NECTIN1: variants seen among roughly 807,000 people sequenced by gnomAD.
The protein encoded by NECTIN1 is nectin cell adhesion molecule 1.
A neutral mutation model predicts 48.0 loss-of-function variants in NECTIN1; 23 were observed. The observed-to-expected ratio is 0.48, with a 90% CI of 0.34 to 0.68. NECTIN1 has a LOEUF of 0.68. Ranked by LOEUF, NECTIN1 falls within the 30% of genes least tolerant of loss-of-function variation. NECTIN1 has a pLI of 0.01. For synonymous variants in NECTIN1, 270 were observed against 288.9 expected (o/e 0.93, Z 0.66); for missense variants, 591 against 709.9 (o/e 0.83, Z 1.90).
At chr11:119,714,963 A>C (rs1008122767) in intron 1 of NECTIN1, among the ~76,000 whole-genome samples, 1 of 152,016 alleles carries the variant, frequency 6.6e-6, no homozygotes, top group East Asian at 1.9e-4. Context: ...GAGAGGTGAG[A>C]CGGGGGCCGA....
chr11:119,704,409 T>C (rs1375704712), intron 1 of NECTIN1, among the ~76,000 whole-genome samples: 1 of 152,044 alleles, frequency 6.6e-6, no homozygotes, highest in African/African-American at 2.4e-5. Context: ...TTAGTAGAAA[T>C]AGGGTTCATG....
rs967745386 is a variant in NECTIN1 at position 119,672,442 on chromosome 11, C to T, written c.1003+2717G>A. ...TGAAACTGCTCCTCTGTGTAAGGGC[C>T]TCTGAAAGGGGTTCTCTGGGGCCTG... On this transcript the variant is annotated intron_variant, in intron 5 of 5. Coordinates refer to ENST00000264025, the MANE Select transcript of NECTIN1 (RefSeq NM_002855.5). The surrounding 1 kb of genome is among the most constrained non-coding windows in gnomAD (Gnocchi z 4.3). Among the ~76,000 whole-genome samples, 2 of 152,148 alleles carry T rather than the reference C, an allele frequency of 1.3e-5. No homozygotes were observed. The highest frequency in any genetic ancestry group is 4.8e-5 in the African/African-American group (2 of 41,428).
At chr11:119,638,366 C>T (rs1349247536) in intron 7 of NECTIN1, 12 of 1,299,718 alleles carry the variant, frequency 9.2e-6, no homozygotes, top group Non-Finnish European at 1.2e-5. Flanking sequence ...ATTCTGGCAT[C>T]CCCCACACTG....
At chr11:119,666,666 T>A (rs1864776022) in intron 5 of NECTIN1, among the ~76,000 whole-genome samples, 1 of 152,230 alleles carries the variant, frequency 6.6e-6, no homozygotes, top group African/African-American at 2.4e-5. Context: ...CCCTCCTTGC[T>A]CCAGGCCCAC....
chr11:119,647,829 G>A (rs1286592042), intron 5 of NECTIN1, among the ~76,000 whole-genome samples: 2 of 152,028 alleles, frequency 1.3e-5, no homozygotes, highest in Non-Finnish European at 2.9e-5. Context: ...TTGAGAGGCC[G>A]AGGTGGGTGG....
At chr11:119,700,948 C>T (rs1424464845) in intron 1 of NECTIN1, among the ~76,000 whole-genome samples, 1 of 152,106 alleles carries the variant, frequency 6.6e-6, no homozygotes, top group Non-Finnish European at 1.5e-5. Flanking sequence ...TGGGCTGAGA[C>T]CTTGAACTTA....
At chr11:119,714,208 C>CT (rs113610859) in intron 1 of NECTIN1, among the ~76,000 whole-genome samples, 7 of 152,286 alleles carry the variant, frequency 4.6e-5, no homozygotes, top group African/African-American at 1.7e-4. Flanking sequence ...GTGTTAGAGC[C>CT]TGGATGGCAC....
chr11:119,643,128 C>T (rs1003260995), intron 5 of NECTIN1: 11 of 153,870 alleles, frequency 7.1e-5, no homozygotes, highest in African/African-American at 2.6e-4. Flanking sequence ...GCCCTCACTC[C>T]CTGTCCCACC....
intron 1 of NECTIN1, among the ~76,000 whole-genome samples, chr11:119,719,183 C>G (rs1421762036): frequency 6.6e-6 from 1 of 152,190 alleles, no homozygotes; most frequent in Non-Finnish European, 1.5e-5. Context: ...GAAGATTCAG[C>G]ACTAATAACT....
chr11:119,655,488 A>G lies in NECTIN1; in HGVS notation c.1004-15476T>C, dbSNP rs548320686. Among the ~76,000 whole-genome samples the G allele has an allele frequency of 5.9e-5, 9 of 152,286 alleles. No individual in the cohort carries two copies. In the East Asian group the frequency reaches 1.7e-3, roughly 29 times the overall value. On this transcript the variant is annotated intron_variant, in intron 5 of 7. Transcript: ENST00000341398. ...CTTGCTCTGAGCTGGCCATTGTGAC[A>G]ATGCTTTCCCACAGCTACTGATCAA... is the stretch of plus-strand genomic sequence containing the variant.
intron 5 of NECTIN1, among the ~76,000 whole-genome samples, chr11:119,644,418 A>T (rs1298650777): frequency 6.6e-6 from 1 of 152,134 alleles, no homozygotes; most frequent in African/African-American, 2.4e-5. Flanking sequence ...TCTCAGCCAG[A>T]TGTCAGTGTT....
rs760528836 is a variant in NECTIN1 at position 119,672,359 on chromosome 11, C to CATTA, written c.1003+2796_1003+2799dup. Among the ~76,000 whole-genome samples, 34 of 152,254 alleles carry CATTA rather than the reference C, an allele frequency of 2.2e-4. No homozygotes were observed. The highest frequency in any genetic ancestry group is 4.9e-4 in the Non-Finnish European group (33 of 67,992). On this transcript the variant is annotated intron_variant, in intron 5 of 5. Transcript: ENST00000264025. This position sits in a 1 kb window ranked among gnomAD's most constrained non-coding sequence, Gnocchi z 4.3. Reference sequence around the variant, plus strand: ...CACCCTGGGCCTCTCCCCACCTTGTCATTACCCCAGAGGGAGAAGGGAGGG... The same window carrying CATTA: ...CACCCTGGGCCTCTCCCCACCTTGTCATTAATTACCCCAGAGGGAGAAGGGAGGG...
chr11:119,664,147 C>A lies in NECTIN1; in HGVS notation c.*600G>T, dbSNP rs931318421. ...CAGGAAAACACTGCCCAAGGCCCCGCTTAACAAACAAGACTCCCTGGGAAC... is the reference window on the plus strand; with the variant it reads ...CAGGAAAACACTGCCCAAGGCCCCGATTAACAAACAAGACTCCCTGGGAAC... On this transcript the variant is annotated 3_prime_UTR_variant, in exon 6 of 6. Transcript: ENST00000264025. The A allele has an allele frequency of 4.1e-6, 4 of 986,326 alleles. No individual in the cohort carries two copies. In the African/African-American group the frequency reaches 7.0e-5, roughly 17 times the overall value. 61.1% of individuals were successfully genotyped at this position (986,326 alleles called of 1,614,324 possible). A position where few individuals can be genotyped will look rare whatever the true frequency, so the allele number is the denominator to read the frequency against.
rs1864996446 is a variant in NECTIN1, at chr11:119,678,323, G to A, written c.430+92C>T. On this transcript the variant is annotated intron_variant, in intron 2 of 5. Coordinates refer to ENST00000264025, the MANE Select transcript of NECTIN1 (RefSeq NM_002855.5). The surrounding 1 kb of genome is among the most constrained non-coding windows in gnomAD (Gnocchi z 4.4). ...GATGGCAGCATGCCCACCCAAGGGG[G>A]ATGTCTGGGGTCATTGAGGCATCCT... The A allele has an allele frequency of 8.5e-7, 1 of 1,179,806 alleles. No homozygotes were observed. The highest frequency in any genetic ancestry group is 1.5e-5 in the African/African-American group (1 of 66,592). 73.1% of individuals were successfully genotyped at this position (1,179,806 alleles called of 1,614,324 possible).
At chr11:119,713,200 C>G (rs947170774) in intron 1 of NECTIN1, among the ~76,000 whole-genome samples, 6 of 152,020 alleles carry the variant, frequency 3.9e-5, no homozygotes, top group African/African-American at 1.5e-4. Context: ...CTTTGGAGAC[C>G]AGAAACCAGC....
Position 119,664,914 on chromosome 11 carries a change from C to T in NECTIN1, c.1387G>A (p.Asp463Asn). 1 of 1,613,948 alleles carries T rather than the reference C, an allele frequency of 6.2e-7. No individual in the cohort carries two copies. The highest frequency in any genetic ancestry group is 8.5e-7 in the Non-Finnish European group (1 of 1,179,938). ...ACGGTGAAGTAGGGCCGCTTGGCGT[C>T]CTCGTCATATTTGGGGTGGGGGCCG... Reference protein sequence around the residue: ...VGGPHPKYDEDAKRPYFTVDE... With the variant: ...VGGPHPKYDENAKRPYFTVDE... Residue 463 changes from aspartate to asparagine, a missense_variant, in exon 6 of 6, where the codon GAC (aspartate) becomes AAC (asparagine). Transcript: ENST00000264025.
At chr11:119,674,988 A>G (rs1864922798) in intron 5 of NECTIN1, among the ~76,000 whole-genome samples, 171 bp downstream of exon 5, 1 of 152,100 alleles carries the variant, frequency 6.6e-6, no homozygotes, top group Admixed American at 6.6e-5. Context: ...TGCACCCTTT[A>G]ATGAAAGAAA....
chr11:119,664,183 C>T lies in NECTIN1; in HGVS notation c.*564G>A. 1 of 986,740 alleles carries T rather than the reference C, an allele frequency of 1.0e-6. No individual in the cohort carries two copies. Among genetic ancestry groups the T allele is most frequent in the Non-Finnish European group, 1.2e-6 (1 of 830,618 alleles). The allele number at this position is 986,740 out of a possible 1,614,324, so 61.1% of individuals were successfully genotyped here. On this transcript the variant is annotated 3_prime_UTR_variant, in exon 6 of 6. Transcript: ENST00000264025. ...AGACTCCCTGGGAACTGGGGAGAAG[C>T]CGCACCCCTCCCCCTACCTCTTGGG...
At chr11:119,700,721 G>T (rs926656623) in intron 1 of NECTIN1, among the ~76,000 whole-genome samples, 1 of 152,232 alleles carries the variant, frequency 6.6e-6, no homozygotes, top group Non-Finnish European at 1.5e-5. Flanking sequence ...ACCCTTCAAG[G>T]TGTTGTATGC....
Sources: gnomAD v4.1 joint callset for allele counts (sites outside exome capture counted in the v4.1 genomes callset) on GRCh38, gnomAD v4.1.1 for gene constraint, Gnocchi (gnomAD v3.1) non-coding constraint, MANE v1.5 for transcripts, NCBI Gene and HGNC (gene_info 2026-07-23, HGNC 2026-07-21) for gene names.